Variants in TMEM117 observed in about 807,000 individuals in gnomAD.
TMEM117 encodes the protein transmembrane protein 117.
TMEM117 carries 27 observed loss-of-function variants against 52.4 expected under a neutral mutation model. The observed-to-expected ratio is 0.51, with a 90% CI of 0.38 to 0.71. TMEM117 has a LOEUF of 0.71. Among genes scored for constraint, TMEM117 ranks in the 30% least tolerant of loss-of-function variants. The pLI, the probability that TMEM117 is intolerant of heterozygous loss-of-function variation, is 0.00. For synonymous variants in TMEM117, 215 were observed against 206.3 expected, an observed-to-expected ratio of 1.04 and a Z score of -0.36; for missense variants, 556 against 630.5, an observed-to-expected ratio of 0.88 and a Z score of 1.26.
At chr12:43,819,014 A>G in the TMEM117 span, among the ~76,000 whole-genome samples, 1 of 152,222 alleles carries the variant, frequency 6.6e-6, no homozygotes, top group Admixed American at 6.5e-5. Context: ...TGTGATGCAT[A>G]GATTGAGAAC....
intron 4 of TMEM117, among the ~76,000 whole-genome samples, chr12:44,173,102 G>T (rs1020915162): frequency 3.3e-5 from 5 of 151,928 alleles, no homozygotes; most frequent in African/African-American, 1.2e-4. Flanking sequence ...TTGGGATGAG[G>T]TCTTACTCTG....
chr12:44,194,680 T>C (rs527298455), intron 4 of TMEM117, among the ~76,000 whole-genome samples: 1 of 151,720 alleles, frequency 6.6e-6, no homozygotes, highest in Non-Finnish European at 1.5e-5. Context: ...ACAAATATTA[T>C]TCGGGCATGG....
intron 2 of TMEM117, among the ~76,000 whole-genome samples, chr12:43,941,314 T>A (rs970777249): frequency 6.6e-6 from 1 of 152,212 alleles, no homozygotes; most frequent in Non-Finnish European, 1.5e-5. Flanking sequence ...GTCATAAAAT[T>A]CTGAATTCTG....
intron 2 of TMEM117, among the ~76,000 whole-genome samples, chr12:43,865,318 C>T (rs1251285983): frequency 6.6e-6 from 1 of 152,144 alleles, no homozygotes; most frequent in African/African-American, 2.4e-5. Context: ...CTAACTTGGG[C>T]ATTGAAACCC....
chr12:44,142,048 C>A (rs542707937), intron 3 of TMEM117, among the ~76,000 whole-genome samples: 46 of 152,258 alleles, frequency 3.0e-4, no homozygotes, highest in African/African-American at 9.1e-4. Flanking sequence ...GTTTGTGAGT[C>A]AATCAAGTTT....
At chr12:43,988,705 A>C (rs1181826226) in intron 3 of TMEM117, among the ~76,000 whole-genome samples, 1 of 152,070 alleles carries the variant, frequency 6.6e-6, no homozygotes, top group Non-Finnish European at 1.5e-5. Context: ...TGATTTCACC[A>C]CGCTGCACTG....
chr12:44,269,644 A>G (rs1311814872), intron 5 of TMEM117, among the ~76,000 whole-genome samples: 1 of 151,972 alleles, frequency 6.6e-6, no homozygotes, highest in Non-Finnish European at 1.5e-5. Flanking sequence ...TGGAATTATG[A>G]TTACCTTCGA....
the TMEM117 span, among the ~76,000 whole-genome samples, chr12:43,828,118 AC>A: frequency 1.3e-5 from 2 of 152,220 alleles, no homozygotes; most frequent in African/African-American, 4.8e-5. Flanking sequence ...TTCTTAAACC[AC>A]CAAGTTTGTG....
In TMEM117 at chr12:44,311,787, G is replaced by GTA. The variant is rs1170834286; in HGVS notation, c.768+12056_768+12057dup. 1.4e-3 allele frequency among the ~76,000 whole-genome samples: 27 copies of GTA among 19,422 alleles called. 2 individuals carry two copies. Among genetic ancestry groups the GTA allele is most frequent in the East Asian group, 0.014 (3 of 216 alleles). The allele number at this position is 19,422 out of a possible 152,430, so 12.7% of individuals were successfully genotyped here. On this transcript the variant is annotated intron_variant, in intron 6 of 7. Coordinates refer to ENST00000266534, the MANE Select transcript of TMEM117 (RefSeq NM_032256.3). ...TATATATGTATATATGTGTATATAT[G>GTA]TATATATATGTATATATGTATATAT...
chr12:44,337,385 G>A (rs1429184764), intron 6 of TMEM117, among the ~76,000 whole-genome samples: 2 of 151,952 alleles, frequency 1.3e-5, no homozygotes, highest in South Asian at 2.1e-4. Flanking sequence ...CTAAAAGTGA[G>A]GTGATTAATA....
chr12:43,865,547 A>G (rs1166523143), intron 2 of TMEM117, among the ~76,000 whole-genome samples: 3 of 151,908 alleles, frequency 2.0e-5, no homozygotes, highest in African/African-American at 7.3e-5. Context: ...AAATACAAAA[A>G]TTAGCCGGGC....
intron 3 of TMEM117, among the ~76,000 whole-genome samples, chr12:44,041,432 C>G (rs535628803): frequency 5.3e-5 from 8 of 152,168 alleles, no homozygotes; most frequent in African/African-American, 1.9e-4. Flanking sequence ...CACAATTAAG[C>G]TGCTTGCACT....
At chr12:44,252,280 C>T (rs761965706) in intron 5 of TMEM117, among the ~76,000 whole-genome samples, 29 of 152,054 alleles carry the variant, frequency 1.9e-4, no homozygotes, top group Non-Finnish European at 3.8e-4. Context: ...CCGAGGTAGG[C>T]GGATCACTTA....
At chr12:44,237,778 G>C (rs1208231138) in intron 5 of TMEM117, among the ~76,000 whole-genome samples, 2 of 151,894 alleles carry the variant, frequency 1.3e-5, no homozygotes, top group African/African-American at 4.8e-5. Flanking sequence ...ATCATTATCT[G>C]ATATAATTCA....
intron 3 of TMEM117, among the ~76,000 whole-genome samples, chr12:43,947,144 G>C (rs1187860225): frequency 6.6e-6 from 1 of 152,070 alleles, no homozygotes; most frequent in Non-Finnish European, 1.5e-5. Flanking sequence ...GACCAGTCTG[G>C]GCAACAGAGT....
intron 2 of TMEM117, among the ~76,000 whole-genome samples, chr12:43,937,670 G>A (rs1592377009): frequency 6.6e-6 from 1 of 152,260 alleles, no homozygotes; most frequent in Admixed American, 6.5e-5. Context: ...ACTATAATAG[G>A]ACCTAGATGT....
intron 6 of TMEM117, among the ~76,000 whole-genome samples, chr12:44,313,563 T>C (rs1351318023): frequency 2.0e-5 from 3 of 152,248 alleles, no homozygotes; most frequent in Non-Finnish European, 4.4e-5. Context: ...CTTTGTTCTT[T>C]TTGCTTAGCA....
chr12:44,152,258 A>G (rs1487432346), intron 4 of TMEM117, among the ~76,000 whole-genome samples: 1 of 105,568 alleles, frequency 9.5e-6, no homozygotes, highest in Non-Finnish European at 1.6e-5. Context: ...TAAATATAAA[A>G]TGTATAATCA....
chr12:43,804,343 C>T, the TMEM117 span: 1 of 614,272 alleles, frequency 1.6e-6, no homozygotes, highest in Non-Finnish European at 2.9e-6. Flanking sequence ...CCCATAGGGA[C>T]CTGCACAAAA....
Sources: gnomAD v4.1 joint callset for allele counts (sites outside exome capture counted in the v4.1 genomes callset) on GRCh38, gnomAD v4.1.1 for gene constraint, MANE v1.5 for transcripts, NCBI Gene and HGNC (gene_info 2026-07-23, HGNC 2026-07-21) for gene names.